The following GPHN variants were observed in gnomAD, a reference collection of about 807,000 sequenced individuals.
GPHN encodes the protein gephyrin.
GPHN carries 17 observed loss-of-function variants against 95.5 expected under a neutral mutation model. The ratio of observed to expected loss-of-function variants is 0.18; its 90% CI spans 0.12 to 0.27. GPHN has a LOEUF of 0.27. Among genes scored for constraint, GPHN ranks in the 10% least tolerant of loss-of-function variants. The probability of loss-of-function intolerance (pLI) is 1.00; values close to 1 mark genes in which losing one functional copy is unlikely to be tolerated. For synonymous variants in GPHN, 320 were observed against 322.5 expected (o/e 0.99, Z 0.08); for missense variants, 660 against 978.1 (o/e 0.67, Z 4.34).
chr14:67,397,231 G>A, the GPHN span, among the ~76,000 whole-genome samples: 3 of 152,122 alleles, frequency 2.0e-5, no homozygotes, highest in African/African-American at 7.2e-5. Context: ...GAGCCACCAC[G>A]CCCAGCCTAG....
the GPHN span, among the ~76,000 whole-genome samples, chr14:67,429,074 GA>G: frequency 6.6e-6 from 1 of 152,298 alleles, no homozygotes. Flanking sequence ...AGAGCCCACA[GA>G]GATTAAATAA....
chr14:67,035,928 C>G (rs768928778), intron 10 of GPHN, among the ~76,000 whole-genome samples: 1 of 151,184 alleles, frequency 6.6e-6, no homozygotes, highest in Non-Finnish European at 1.5e-5. Flanking sequence ...TACCCTGATA[C>G]GAATAGAAAA....
chr14:67,274,705 C>G, the GPHN span, among the ~76,000 whole-genome samples: 4 of 152,030 alleles, frequency 2.6e-5, no homozygotes, highest in African/African-American at 9.7e-5. Flanking sequence ...CTATAAATTA[C>G]CTTGGGCAGT....
chr14:67,350,762 C>A, the GPHN span: 1 of 1,362,930 alleles, frequency 7.3e-7, no homozygotes, highest in South Asian at 1.2e-5. Context: ...TAATTATGTT[C>A]CTTTAATAAC....
chr14:67,590,096 G>A, the GPHN span: 11 of 1,550,810 alleles, frequency 7.1e-6, no homozygotes, highest in African/African-American at 1.5e-4. Flanking sequence ...GCTTGTTGAT[G>A]TGGCTTTCTG....
the GPHN span, among the ~76,000 whole-genome samples, chr14:67,669,812 C>T: frequency 6.6e-6 from 1 of 152,190 alleles, no homozygotes; most frequent in African/African-American, 2.4e-5. Context: ...TCAAAACCAA[C>T]TCTTGGGCCG....
chr14:66,874,383 A>G (rs145698049), intron 4 of GPHN, among the ~76,000 whole-genome samples: 395 of 152,318 alleles, frequency 2.6e-3, no homozygotes, highest in African/African-American at 7.6e-3. Context: ...CCAGCAAGGT[A>G]TCAAAACTGG....
chr14:66,577,155 T>C (rs2060941661), intron 1 of GPHN, among the ~76,000 whole-genome samples: 1 of 152,210 alleles, frequency 6.6e-6, no homozygotes, highest in Non-Finnish European at 1.5e-5. Context: ...CATTTCTAAC[T>C]AACTCCCAGA....
At chr14:66,814,770 G>C (rs1431424149) in intron 3 of GPHN, among the ~76,000 whole-genome samples, 1 of 152,122 alleles carries the variant, frequency 6.6e-6, no homozygotes, top group Non-Finnish European at 1.5e-5. Context: ...TCTTCCAGAT[G>C]ACCACACCAT....
the GPHN span, chr14:67,338,564 CTG>C: frequency 7.6e-6 from 12 of 1,571,120 alleles, no homozygotes; most frequent in African/African-American, 4.1e-5. Context: ...AACCTACACA[CTG>C]TGAATTAAAA....
chr14:67,335,043 T>C, the GPHN span: 1 of 152,172 alleles, frequency 6.6e-6, no homozygotes, highest in Admixed American at 6.6e-5. Flanking sequence ...GCTGTCAAGA[T>C]TCAGGAACAT....
chr14:66,593,310 A>AC (rs1331342070), intron 1 of GPHN, among the ~76,000 whole-genome samples: 23 of 151,796 alleles, frequency 1.5e-4, no homozygotes, highest in South Asian at 6.2e-4. Context: ...TAAAAAAAAA[A>AC]AAAAACAAAC....
the GPHN span, among the ~76,000 whole-genome samples, chr14:67,635,121 G>C: frequency 6.6e-6 from 1 of 152,160 alleles, no homozygotes; most frequent in Non-Finnish European, 1.5e-5. Context: ...GCGCATGCCT[G>C]TAGTCCCAGC....
At chr14:66,801,701 C>G (rs1183671457) in intron 3 of GPHN, among the ~76,000 whole-genome samples, 3 of 149,124 alleles carry the variant, frequency 2.0e-5, no homozygotes, top group African/African-American at 7.4e-5. Context: ...TGGCCACCAT[C>G]TCTAGGACTG....
At chr14:66,642,781 T>C (rs1383147030) in intron 1 of GPHN, among the ~76,000 whole-genome samples, 1 of 152,052 alleles carries the variant, frequency 6.6e-6, no homozygotes, top group Non-Finnish European at 1.5e-5. Flanking sequence ...GAAAAGAATT[T>C]TATTTCAATT....
At chr14:66,550,804 A>C (rs760082738) in intron 1 of GPHN, among the ~76,000 whole-genome samples, 6 of 152,054 alleles carry the variant, frequency 3.9e-5, no homozygotes, top group Non-Finnish European at 8.8e-5. Flanking sequence ...ATTATGATTC[A>C]CTGATGGCTT....
chr14:66,995,293 C>T (rs1016046621), intron 9 of GPHN, among the ~76,000 whole-genome samples: 3 of 152,126 alleles, frequency 2.0e-5, no homozygotes, highest in Admixed American at 6.6e-5. Flanking sequence ...TATAAAATAG[C>T]TATTTTTAAA....
At chr14:66,518,094 CAAATAAATAAAT>C (rs144895971) in intron 1 of GPHN, among the ~76,000 whole-genome samples, 3 of 143,940 alleles carry the variant, frequency 2.1e-5, no homozygotes, top group African/African-American at 5.2e-5. Context: ...TCTTAACAGC[CAAATAAATAAAT>C]AAATAAATAA....
At chr14:66,871,734 T>C (rs1281299782) in intron 4 of GPHN, among the ~76,000 whole-genome samples, 2 of 149,846 alleles carry the variant, frequency 1.3e-5, no homozygotes, top group Non-Finnish European at 3.0e-5. Context: ...TGAGAACACA[T>C]GGACACAGGG....
Sources: allele counts gnomAD v4.1 joint callset (sites outside exome capture counted in the v4.1 genomes callset), GRCh38; gene constraint gnomAD v4.1.1; transcripts MANE v1.5; gene names NCBI Gene and HGNC (gene_info 2026-07-23, HGNC 2026-07-21).